FGD6: variants seen among roughly 807,000 people sequenced by gnomAD.
The protein encoded by FGD6 is FYVE, RhoGEF and PH domain containing 6.
FGD6 carries 90 observed loss-of-function variants against 149.4 expected under a neutral mutation model. The observed-to-expected ratio is 0.60, with a 90% CI of 0.51 to 0.72. FGD6 has a LOEUF of 0.72. FGD6 is among the 30% of genes least tolerant of loss of function. The probability of loss-of-function intolerance (pLI) is 0.00; values close to 1 mark genes in which losing one functional copy is unlikely to be tolerated. For synonymous variants in FGD6, 527 were observed against 584.0 expected, an observed-to-expected ratio of 0.90 and a Z score of 1.41; for missense variants, 1,437 against 1,684.8, an observed-to-expected ratio of 0.85 and a Z score of 2.57.
intron 2 of FGD6, among the ~76,000 whole-genome samples, chr12:95,177,019 G>C (rs1240959760): frequency 1.3e-5 from 2 of 152,066 alleles, no homozygotes; most frequent in African/African-American, 4.8e-5. Flanking sequence ...GTAGAGACGG[G>C]GTTTCACCAT....
chr12:95,125,964 C>T (rs1022940822), intron 8 of FGD6: 4 of 1,422,750 alleles, frequency 2.8e-6, no homozygotes, highest in Non-Finnish European at 4.0e-6. Context: ...ATACAGTGCC[C>T]ACCAGAAGTA....
At chr12:95,159,008 G>A (rs1290072823) in intron 3 of FGD6, among the ~76,000 whole-genome samples, 2 of 152,122 alleles carry the variant, frequency 1.3e-5, no homozygotes, top group Non-Finnish European at 2.9e-5. Context: ...AAGGTCAAGA[G>A]CGGATCTTAT....
intron 2 of FGD6, among the ~76,000 whole-genome samples, chr12:95,182,407 G>T (rs1881310864): frequency 6.6e-6 from 1 of 152,028 alleles, no homozygotes; most frequent in Admixed American, 6.6e-5. Context: ...CACTATGCTG[G>T]CCAGGCTGGT....
At chr12:95,162,595 A>G (rs1880678584) in intron 3 of FGD6, among the ~76,000 whole-genome samples, 3 of 152,216 alleles carry the variant, frequency 2.0e-5, no homozygotes, top group African/African-American at 7.2e-5. Context: ...AACGAACTGA[A>G]CATACAAATA....
intron 14 of FGD6, among the ~76,000 whole-genome samples, chr12:95,102,349 C>G (rs1032106603): frequency 6.7e-6 from 1 of 148,332 alleles, no homozygotes; most frequent in African/African-American, 2.5e-5. Context: ...GAGGCTGAGG[C>G]ACAAGGATCG....
At chr12:95,108,617 T>C (rs1184125209) in intron 9 of FGD6, 56 bp from the exon 10 acceptor site, 1 of 1,597,392 alleles carries the variant, frequency 6.3e-7, no homozygotes, top group Non-Finnish European at 8.6e-7. Context: ...AACAAATAGT[T>C]TGCAACATTA....
chr12:95,127,467 C>A (rs1879380232), intron 8 of FGD6, among the ~76,000 whole-genome samples: 2 of 152,180 alleles, frequency 1.3e-5, no homozygotes, highest in African/African-American at 2.4e-5. Flanking sequence ...TCACTTGAAC[C>A]CAGGAGGTGG....
intron 3 of FGD6, among the ~76,000 whole-genome samples, 180 bp from the exon 4 acceptor site, chr12:95,153,173 A>G (rs992874284): frequency 6.6e-6 from 1 of 152,250 alleles, no homozygotes; most frequent in Non-Finnish European, 1.5e-5. Context: ...ACCATGTCAC[A>G]GGAATAGCTG....
At chr12:95,084,201 C>A (rs117928478) in intron 20 of FGD6, among the ~76,000 whole-genome samples, 1 of 152,214 alleles carries the variant, frequency 6.6e-6, no homozygotes, top group South Asian at 2.1e-4. Flanking sequence ...CCTTAGCTTT[C>A]CTTCCTTTCA....
In FGD6 at chr12:95,209,869, T is replaced by C; in HGVS notation, c.1415A>G (p.Asn472Ser). ...CATTTGAGGGGCAGAAACTCCCAGG[T>C]TTCTCCCAGATTGCAAATGTTCATT... is the stretch of plus-strand genomic sequence containing the variant. ...TCNEHLQSGR[N>S]LGVSAPQMQK... Residue 472 changes from asparagine (N) to serine (S), a missense_variant, in exon 2 of 21, where the codon AAC becomes AGC. This residue lies in a region of FGD6 where 1,055 missense variants were observed against 1,146.0 expected (regional missense o/e 0.92). Transcript: ENST00000343958. The C allele has an allele frequency of 1.2e-6, 2 of 1,612,990 alleles. No homozygotes were observed. The highest frequency in any genetic ancestry group is 1.7e-6 in the Non-Finnish European group (2 of 1,179,828).
At chr12:95,151,056 G>C (rs1028314886) in intron 5 of FGD6, among the ~76,000 whole-genome samples, 3 of 151,634 alleles carry the variant, frequency 2.0e-5, no homozygotes, top group Non-Finnish European at 4.4e-5. Flanking sequence ...TCATGCCACC[G>C]CACTCCAGCC....
intron 3 of FGD6, among the ~76,000 whole-genome samples, chr12:95,172,156 A>C (rs913112940): frequency 6.6e-6 from 1 of 152,058 alleles, no homozygotes; most frequent in Admixed American, 6.6e-5. Context: ...CGGGTGGATC[A>C]CTTGAGGTCA....
intron 17 of FGD6, among the ~76,000 whole-genome samples, chr12:95,090,868 C>T (rs1418979605): frequency 6.6e-6 from 1 of 152,000 alleles, no homozygotes; most frequent in Non-Finnish European, 1.5e-5. Flanking sequence ...GAGGCTGAGG[C>T]GGGTGGATCA....
intron 2 of FGD6, among the ~76,000 whole-genome samples, chr12:95,208,439 G>GT (rs1171203901): frequency 2.6e-5 from 4 of 152,070 alleles, no homozygotes; most frequent in Admixed American, 6.5e-5. Flanking sequence ...CGCACCACAC[G>GT]TAAATGCCTA....
intron 18 of FGD6, among the ~76,000 whole-genome samples, chr12:95,086,998 C>A (rs1286071342): frequency 6.6e-6 from 1 of 151,814 alleles, no homozygotes; most frequent in African/African-American, 2.4e-5. Flanking sequence ...CAGGCGTGCA[C>A]CACCATGTCC....
At chr12:95,143,539 T>A (rs1879919141) in intron 5 of FGD6, among the ~76,000 whole-genome samples, 1 of 152,156 alleles carries the variant, frequency 6.6e-6, no homozygotes, top group South Asian at 2.1e-4. Flanking sequence ...TATACCTAAT[T>A]AGTATCATAT....
chr12:95,216,971 T>G (rs1310256517), intron 1 of FGD6, among the ~76,000 whole-genome samples: 1 of 152,228 alleles, frequency 6.6e-6, no homozygotes, highest in Non-Finnish European at 1.5e-5. Flanking sequence ...GCATTTCACC[T>G]GGTGCAGAGC....
chr12:95,133,461 G>C (rs945639353), intron 8 of FGD6, among the ~76,000 whole-genome samples: 2 of 152,164 alleles, frequency 1.3e-5, no homozygotes, highest in Non-Finnish European at 2.9e-5. Context: ...AAGTGCTGAA[G>C]CCTTTTCCCT....
intron 13 of FGD6, among the ~76,000 whole-genome samples, chr12:95,106,533 C>A (rs1878631181): frequency 6.6e-6 from 1 of 152,012 alleles, no homozygotes; most frequent in Non-Finnish European, 1.5e-5. Context: ...ATCCACCGGC[C>A]TCAGCCTCCC....
Sources: allele counts gnomAD v4.1 joint callset (sites outside exome capture counted in the v4.1 genomes callset), GRCh38; gene constraint gnomAD v4.1.1; regional missense constraint gnomAD v4.1.1; transcripts MANE v1.5; gene names NCBI Gene and HGNC (gene_info 2026-07-23, HGNC 2026-07-21).